FAM171B: variants seen among roughly 807,000 people sequenced by gnomAD.
The protein encoded by FAM171B is protein FAM171B.
A neutral mutation model predicts 75.6 loss-of-function variants in FAM171B; 19 were observed. The ratio of observed to expected loss-of-function variants is 0.25; its 90% CI spans 0.18 to 0.37. The LOEUF is 0.37. Ranked by LOEUF, FAM171B falls within the 10% of genes least tolerant of loss-of-function variation. FAM171B has a pLI of 1.00. For synonymous variants in FAM171B, 367 were observed against 361.7 expected (o/e 1.01, Z -0.17); for missense variants, 848 against 982.4 (o/e 0.86, Z 1.83).
In FAM171B at chr2:186,762,432, G is replaced by T; in HGVS notation, c.2090G>T (p.Arg697Ile). ...TTTATAGACCTGAAAAAGGGCAAGA[G>T]AACCCAGAGCAATGACACCAGTCTG... Reference protein sequence around the residue: ...HSFIDLKKGKRTQSNDTSLDS... With the variant: ...HSFIDLKKGKITQSNDTSLDS... Residue 697 changes from arginine (R) to isoleucine (I), a missense_variant, in exon 8 of 8, where the codon AGA becomes ATA. By Grantham distance (97) the Arg-to-Ile change is moderately conservative (BLOSUM62 -3). Around this residue, in one of 3 missense-constraint regions of FAM171B, gnomAD observed 136 missense variants for 159.3 expected, o/e 0.85. Transcript: ENST00000304698. This position sits in a 1 kb window ranked among gnomAD's most constrained non-coding sequence, Gnocchi z 4.0. 1 of 1,613,598 alleles carries T rather than the reference G, an allele frequency of 6.2e-7. No homozygotes were observed. Among genetic ancestry groups the T allele is most frequent in the Non-Finnish European group, 8.5e-7 (1 of 1,179,764 alleles).
intron 2 of FAM171B, among the ~76,000 whole-genome samples, chr2:186,741,860 C>T (rs536164661): frequency 1.3e-5 from 2 of 152,014 alleles, no homozygotes; most frequent in Admixed American, 6.6e-5. Flanking sequence ...AGTGGACAGG[C>T]GTTCATGCAC....
Position 186,743,576 on chromosome 2 carries a change from GT to G in FAM171B, c.565+2del. 6.3e-7 allele frequency: 1 copy of G among 1,590,718 alleles called. No homozygotes were observed. Among genetic ancestry groups the G allele is most frequent in the East Asian group, 2.2e-5 (1 of 44,674 alleles). On this transcript the variant is annotated splice_donor_variant, in intron 3 of 7. Transcript: ENST00000304698. LOFTEE classifies it high-confidence loss of function. ...GTTTTAATTACTGGAAAATTAGCTG[GT>G]AAGTACCATACTTCTTACTAAGTAA... is the stretch of plus-strand genomic sequence containing the variant.
At chr2:186,694,495 T>G (rs6705757) in intron 1 of FAM171B, 84 bp downstream of exon 1, 805,817 of 1,482,410 alleles carry the variant, frequency 0.54, 222,803 homozygotes, top group Middle Eastern at 0.62. Flanking sequence ...CCCTTCCCTA[T>G]CCATTCCTAT....
chr2:186,698,563 T>TG (rs1422554616), intron 1 of FAM171B, among the ~76,000 whole-genome samples: 1 of 152,132 alleles, frequency 6.6e-6, no homozygotes, highest in Non-Finnish European at 1.5e-5. Flanking sequence ...ATGGGCTACA[T>TG]GAGATATTTT....
chr2:186,754,549 C>T (rs1690501178), intron 6 of FAM171B, among the ~76,000 whole-genome samples: 1 of 152,138 alleles, frequency 6.6e-6, no homozygotes, highest in Admixed American at 6.5e-5. Flanking sequence ...GACTCTAACC[C>T]TTTCCAGTAT....
At chr2:186,725,953 G>A (rs1690026082) in intron 1 of FAM171B, among the ~76,000 whole-genome samples, 1 of 152,164 alleles carries the variant, frequency 6.6e-6, no homozygotes, top group Non-Finnish European at 1.5e-5. Context: ...GGTCCTTTAG[G>A]TAGGCAAGAA....
At chr2:186,741,692 A>G (rs752250303) in intron 2 of FAM171B, among the ~76,000 whole-genome samples, 5 of 152,168 alleles carry the variant, frequency 3.3e-5, no homozygotes, top group Non-Finnish European at 5.9e-5. Context: ...ATAGGATCAG[A>G]TTCTCAAACA....
chr2:186,704,624 T>A (rs1415567057), intron 1 of FAM171B, among the ~76,000 whole-genome samples: 1 of 152,208 alleles, frequency 6.6e-6, no homozygotes, highest in Non-Finnish European at 1.5e-5. Flanking sequence ...GATAATTTGC[T>A]GATTTCCTTC....
At chr2:186,709,072 T>C (rs1267076704) in intron 1 of FAM171B, among the ~76,000 whole-genome samples, 1 of 151,992 alleles carries the variant, frequency 6.6e-6, no homozygotes, top group Non-Finnish European at 1.5e-5. Flanking sequence ...AGCAGGCTCA[T>C]CACACAGAGA....
chr2:186,723,281 AT>A (rs1216164625), intron 1 of FAM171B, among the ~76,000 whole-genome samples: 1 of 152,224 alleles, frequency 6.6e-6, no homozygotes, highest in African/African-American at 2.4e-5. Context: ...TCTCTCTCAT[AT>A]AGTTTTATCA....
chr2:186,710,447 TCTATA>T (rs1689795111), intron 1 of FAM171B, among the ~76,000 whole-genome samples: 1 of 152,220 alleles, frequency 6.6e-6, no homozygotes, highest in Admixed American at 6.5e-5. Flanking sequence ...TTCCACCACT[TCTATA>T]CTCATCCAAC....
At position 186,747,204 on chromosome 2, in the gene FAM171B, A is replaced by T. The variant is rs368435381; in HGVS notation, c.678A>T (p.Lys226Asn). 108 of 1,604,788 alleles carry T rather than the reference A, an allele frequency of 6.7e-5. No homozygotes were observed. The highest frequency in any genetic ancestry group is 8.9e-5 in the Non-Finnish European group (105 of 1,176,724). ...TTACAGTTCTACAACAGTTTTTGAA[A>T]GTGGACAATTTTCTGCATACAACTG... ...GYLTVLQQFL[K>N]VDNFLHTTGI... Residue 226 changes from lysine (K) to asparagine (N), a missense_variant, in exon 4 of 8, where the codon AAA (lysine) becomes AAT (asparagine). Physicochemically the swap from Lys to Asn is moderately conservative, Grantham distance 94. Coordinates refer to ENST00000304698, the MANE Select transcript of FAM171B (RefSeq NM_177454.4).
chr2:186,761,584 A>G lies in FAM171B; in HGVS notation c.1242A>G (p.Thr414=), dbSNP rs748397258. Residue 414 remains threonine, a synonymous_variant, in exon 8 of 8, where the codon ACA becomes ACG. Transcript: ENST00000304698. ...TSTTHINHIS[T]VKVALKAEDK... ...CAACACACATAAATCATATCAGTAC[A>G]GTTAAAGTTGCATTAAAAGCTGAGG... 8.1e-6 allele frequency: 13 copies of G among 1,613,240 alleles called. No homozygotes were observed. The East Asian group carries it at 8.9e-5, about 11-fold the overall frequency.
intron 1 of FAM171B, among the ~76,000 whole-genome samples, chr2:186,697,297 T>C (rs574665296): frequency 6.6e-6 from 1 of 152,302 alleles, no homozygotes; most frequent in South Asian, 2.1e-4. Flanking sequence ...GGGTTTTTTT[T>C]GAGACAGGGT....
chr2:186,739,678 T>C (rs1690258979), intron 1 of FAM171B, among the ~76,000 whole-genome samples: 4 of 152,206 alleles, frequency 2.6e-5, no homozygotes, highest in Non-Finnish European at 5.9e-5. Flanking sequence ...TTTATTTTTT[T>C]TGGAATACCT....
chr2:186,730,364 G>C (rs766389563), intron 1 of FAM171B, among the ~76,000 whole-genome samples: 3 of 152,212 alleles, frequency 2.0e-5, no homozygotes, highest in African/African-American at 7.2e-5. Context: ...TCCAGCACTG[G>C]GCTGTATATG....
Position 186,754,031 on chromosome 2 carries a change from C to T in FAM171B, c.994C>T (p.Pro332Ser). 1.9e-6 allele frequency: 3 copies of T among 1,600,960 alleles called. No individual in the cohort carries two copies. The highest frequency in any genetic ancestry group is 2.6e-6 in the Non-Finnish European group (3 of 1,175,070). ...ACATTTGGGGTACTGGATAGCAGCT[C>T]CACTTCCAGGAACTAGAGGTATTGT... ...APHLGYWIAAPLPGTRGSGIN... is the reference protein window; with the variant it reads ...APHLGYWIAASLPGTRGSGIN... The change falls in exon 6 of 8, where the codon CCA (proline) becomes TCA (serine). Residue 332 changes from proline to serine, a missense_variant. Around this residue, in one of 3 missense-constraint regions of FAM171B, gnomAD observed 665 missense variants for 729.0 expected, o/e 0.91. Coordinates refer to ENST00000304698, the MANE Select transcript of FAM171B (RefSeq NM_177454.4).
At chr2:186,722,989 A>G (rs1168427872) in intron 1 of FAM171B, among the ~76,000 whole-genome samples, 3 of 152,142 alleles carry the variant, frequency 2.0e-5, no homozygotes, top group Non-Finnish European at 4.4e-5. Context: ...TCAGGGTATT[A>G]ATTATATAAA....
Position 186,740,478 on chromosome 2 carries a change from T to G in FAM171B, c.472+17T>G, listed in dbSNP as rs754844299. 45 of 1,544,676 alleles carry G rather than the reference T, an allele frequency of 2.9e-5. 1 individual carries two copies. Among genetic ancestry groups the G allele is most frequent in the Middle Eastern group, 3.4e-4 (2 of 5,808 alleles). ...GAATGCCAAGTAAGCACTTAAACAG[T>G]TTTTTTTTGTTTGTTTTTGCTAAAT... On this transcript the variant is annotated intron_variant, in intron 2 of 7. Coordinates refer to ENST00000304698, the MANE Select transcript of FAM171B (RefSeq NM_177454.4).
Sources: gnomAD v4.1 joint callset for allele counts (sites outside exome capture counted in the v4.1 genomes callset) on GRCh38, gnomAD v4.1.1 for gene constraint, gnomAD v4.1.1 regional missense constraint, Gnocchi (gnomAD v3.1) non-coding constraint, MANE v1.5 for transcripts, NCBI Gene and HGNC (gene_info 2026-07-23, HGNC 2026-07-21) for gene names.